The following PLXNA2 variants were observed in gnomAD, a reference collection of about 807,000 sequenced individuals.
PLXNA2 encodes the protein plexin-A2.
Under a neutral mutation model 193.5 loss-of-function variants are expected in PLXNA2, and 91 were observed. The ratio of observed to expected loss-of-function variants is 0.47; its 90% confidence interval spans 0.40 to 0.56. The LOEUF is 0.56. PLXNA2 is among the 20% of genes least tolerant of loss of function. The probability of loss-of-function intolerance (pLI) is 0.00; values close to 1 mark genes in which losing one functional copy is unlikely to be tolerated. For synonymous variants in PLXNA2, 997 were observed against 1,027.3 expected, an observed-to-expected ratio of 0.97 and a Z score of 0.56; for missense variants, 1,995 against 2,503.2, an observed-to-expected ratio of 0.80 and a Z score of 4.33.
At chr1:208,108,187 C>A (rs1667335611) in intron 4 of PLXNA2, among the ~76,000 whole-genome samples, 1 of 152,000 alleles carries the variant, frequency 6.6e-6, no homozygotes, top group South Asian at 2.1e-4. Context: ...ACGAGTAGCC[C>A]ACAGAGTGTC....
intron 3 of PLXNA2, among the ~76,000 whole-genome samples, chr1:208,169,751 C>T (rs1473222144): frequency 6.6e-6 from 1 of 152,170 alleles, no homozygotes; most frequent in Non-Finnish European, 1.5e-5. Flanking sequence ...AGCCAGGGAA[C>T]CTGGATTCTA....
intron 2 of PLXNA2, among the ~76,000 whole-genome samples, chr1:208,212,149 C>T (rs2102603116): frequency 6.6e-6 from 1 of 152,348 alleles, no homozygotes; most frequent in Admixed American, 6.5e-5. Context: ...AGCAGAACAG[C>T]CTGCCCCCAT....
In PLXNA2 at chr1:208,133,073, C is replaced by A. The variant is rs564198688; in HGVS notation, c.1506+9256G>T. ...ACTGCCCCCTCAGACCTCTCATCTCCTCTTCTGTAAAATAAAGGGCTGCTC... is the reference window on the plus strand; with the variant it reads ...ACTGCCCCCTCAGACCTCTCATCTCATCTTCTGTAAAATAAAGGGCTGCTC... On this transcript the variant is annotated intron_variant, in intron 4 of 31. Transcript: ENST00000367033. Among the ~76,000 whole-genome samples, 8 of 152,274 alleles carry A rather than the reference C, an allele frequency of 5.3e-5. No homozygotes were observed. The East Asian group carries it at 1.5e-3, about 29-fold the overall frequency.
intron 1 of PLXNA2, among the ~76,000 whole-genome samples, chr1:208,235,222 T>C (rs1378557905): frequency 1.3e-5 from 2 of 152,206 alleles, no homozygotes; most frequent in African/African-American, 4.8e-5. Flanking sequence ...CACTATTGGC[T>C]TTCTTCTCTA....
chr1:208,030,873 G>T (rs896878775), intron 29 of PLXNA2: 1 of 985,418 alleles, frequency 1.0e-6, no homozygotes, highest in Non-Finnish European at 1.2e-6. Context: ...TTGGTCTGTG[G>T]TCCAGGTTCA....
chr1:208,174,211 C>T (rs1331077158), intron 3 of PLXNA2, among the ~76,000 whole-genome samples: 2 of 152,108 alleles, frequency 1.3e-5, no homozygotes, highest in African/African-American at 4.8e-5. Context: ...CAGCTCCTGT[C>T]GGTGAGGGGC....
At chr1:208,243,257 C>T (rs1264112796) in intron 1 of PLXNA2, among the ~76,000 whole-genome samples, 3 of 152,172 alleles carry the variant, frequency 2.0e-5, no homozygotes, top group African/African-American at 7.2e-5. Flanking sequence ...CCACCGAGGC[C>T]CTCTTTGGGC....
intron 4 of PLXNA2, among the ~76,000 whole-genome samples, chr1:208,116,802 A>C (rs1667651451): frequency 6.6e-6 from 1 of 152,174 alleles, no homozygotes; most frequent in Non-Finnish European, 1.5e-5. Context: ...AATTTTTCAG[A>C]GTAGATTCTC....
At position 208,023,941 on chromosome 1, in the gene PLXNA2, C is replaced by A. The variant is rs1664265417; in HGVS notation, c.*3302G>T. ...ACTCTGTAAAGAGGGGAACCCTCTG[C>A]CAATGGGGGATCAAAATGGTTTTGA... On this transcript the variant is annotated 3_prime_UTR_variant, in exon 32 of 32. Coordinates refer to ENST00000367033, the MANE Select transcript of PLXNA2 (RefSeq NM_025179.4). 1 of 152,298 alleles carries A rather than the reference C, an allele frequency of 6.6e-6. No individual in the cohort carries two copies. Among genetic ancestry groups the A allele is most frequent in the Non-Finnish European group, 1.5e-5 (1 of 68,106 alleles). The allele number at this position is 152,298 out of a possible 1,614,324, so 9.4% of individuals were successfully genotyped here.
intron 4 of PLXNA2, among the ~76,000 whole-genome samples, chr1:208,106,250 G>T (rs943329469): frequency 6.6e-6 from 1 of 152,118 alleles, no homozygotes; most frequent in Non-Finnish European, 1.5e-5. Context: ...CTCAAAGTCA[G>T]ATGTTCCCAG....
chr1:208,236,077 A>G lies in PLXNA2; in HGVS notation c.-81+7566T>C, dbSNP rs184650466. ...TCCCAGCCGGCCCTGCTCCTGGAAAACACCACTGCCCTAAAACGTGGAGTG... is the reference window on the plus strand; with the variant it reads ...TCCCAGCCGGCCCTGCTCCTGGAAAGCACCACTGCCCTAAAACGTGGAGTG... On this transcript the variant is annotated intron_variant, in intron 1 of 31. Transcript: ENST00000367033. The surrounding 1 kb of genome is among the most constrained non-coding windows in gnomAD (Gnocchi z 4.4). 3.6e-3 allele frequency among the ~76,000 whole-genome samples: 552 copies of G among 152,150 alleles called. 5 individuals are homozygous for G. The highest frequency in any genetic ancestry group is 7.8e-3 in the Admixed American group (120 of 15,292).
intron 4 of PLXNA2, among the ~76,000 whole-genome samples, chr1:208,127,193 T>C: frequency 6.6e-6 from 1 of 152,152 alleles, no homozygotes; most frequent in South Asian, 2.1e-4. Context: ...CTGAAGAAAA[T>C]GGAGTGAGAA....
intron 1 of PLXNA2, among the ~76,000 whole-genome samples, chr1:208,232,136 A>G (rs1671711846): frequency 6.6e-6 from 1 of 152,046 alleles, no homozygotes; most frequent in Non-Finnish European, 1.5e-5. Context: ...AGGGCTGGGG[A>G]GGGGCTGAGG....
intron 3 of PLXNA2, among the ~76,000 whole-genome samples, chr1:208,205,709 A>G (rs920970503): frequency 1.3e-5 from 2 of 152,146 alleles, no homozygotes; most frequent in African/African-American, 2.4e-5. Context: ...CTCTGCTTGC[A>G]TATTTCCACT....
intron 4 of PLXNA2, among the ~76,000 whole-genome samples, chr1:208,114,626 CTT>C (rs1558199572): frequency 6.6e-6 from 1 of 152,276 alleles, no homozygotes; most frequent in African/African-American, 2.4e-5. Flanking sequence ...TGGAATGCAT[CTT>C]CTCCACTATC....
chr1:208,096,662 T>C, intron 7 of PLXNA2, 68 bp downstream of exon 7: 1 of 1,564,348 alleles, frequency 6.4e-7, no homozygotes, highest in Non-Finnish European at 8.7e-7. Flanking sequence ...GCCTAGTTCT[T>C]GTGACCCCCA....
At position 208,129,353 on chromosome 1, in the gene PLXNA2, A is replaced by C. The variant is rs138161425; in HGVS notation, c.1506+12976T>G. ...TGCTGGTGAGCTTGCCACAGAGAGC[A>C]CCAGGGGCTGGGTGCATGATGGCTT... On this transcript the variant is annotated intron_variant, in intron 4 of 31. Transcript: ENST00000367033. Among the ~76,000 whole-genome samples, 13 of 152,274 alleles carry C rather than the reference A, an allele frequency of 8.5e-5. No individual in the cohort carries two copies. In the East Asian group the frequency reaches 2.5e-3, roughly 29 times the overall value.
chr1:208,193,817 C>A (rs895695105), intron 3 of PLXNA2, among the ~76,000 whole-genome samples: 2 of 152,076 alleles, frequency 1.3e-5, no homozygotes, highest in African/African-American at 4.8e-5. Context: ...TGCTTAAGCA[C>A]AAGAGATTGA....
chr1:208,027,932 G>A, intron 31 of PLXNA2, 77 bp downstream of exon 31: 1 of 1,337,790 alleles, frequency 7.5e-7, no homozygotes, highest in Non-Finnish European at 1.0e-6. Context: ...TTTCTAAATT[G>A]CCATCTATTT....
Sources: allele counts gnomAD v4.1 joint callset (sites outside exome capture counted in the v4.1 genomes callset), GRCh38; gene constraint gnomAD v4.1.1; non-coding constraint Gnocchi (gnomAD v3.1); transcripts MANE v1.5; gene names NCBI Gene and HGNC (gene_info 2026-07-23, HGNC 2026-07-21).